Variants in TTC28 observed in about 807,000 individuals in gnomAD.
TTC28 encodes the protein tetratricopeptide repeat domain 28.
TTC28 carries 61 observed loss-of-function variants against 198.0 expected under a neutral mutation model. The observed-to-expected ratio is 0.31, with a 90% CI of 0.25 to 0.38. The LOEUF (loss-of-function observed/expected upper bound fraction) is 0.38, where lower values mean the gene tolerates loss of function less well. Ranked by LOEUF, TTC28 falls within the 10% of genes least tolerant of loss-of-function variation. TTC28 has a pLI of 1.00. For synonymous variants in TTC28, 1,171 were observed against 1,297.8 expected (o/e 0.90, Z 2.10); for missense variants, 2,678 against 3,164.0 (o/e 0.85, Z 3.69).
Position 27,982,116 on chromosome 22 carries a change from T to G in TTC28, c.*105A>C. On this transcript the variant is annotated 3_prime_UTR_variant, in exon 23 of 23. Transcript: ENST00000397906. The surrounding 1 kb of genome is among the most constrained non-coding windows in gnomAD (Gnocchi z 5.2). ...CCCTCGCCTGCAGAGCACAGCATCA[T>G]GAGGGTGCTGGTGGCTGTGGGGGGA... 7.5e-6 allele frequency: 9 copies of G among 1,194,560 alleles called. No individual in the cohort carries two copies. The highest frequency in any genetic ancestry group is 1.5e-5 in the African/African-American group (1 of 64,670). The allele number at this position is 1,194,560 out of a possible 1,614,324, so 74.0% of individuals were successfully genotyped here.
chr22:28,071,573 G>A (rs1399338972), intron 12 of TTC28, among the ~76,000 whole-genome samples: 2 of 148,230 alleles, frequency 1.3e-5, no homozygotes, highest in African/African-American at 2.5e-5. Flanking sequence ...CACACTCTGG[G>A]GACTGTGGTG....
intron 2 of TTC28, among the ~76,000 whole-genome samples, chr22:28,354,247 T>C (rs2046041753): frequency 6.6e-6 from 1 of 152,200 alleles, no homozygotes; most frequent in South Asian, 2.1e-4. Context: ...ATAGCATTAT[T>C]CACAATAGCC....
At chr22:28,336,275 A>T (rs571832537) in intron 2 of TTC28, among the ~76,000 whole-genome samples, 1 of 152,296 alleles carries the variant, frequency 6.6e-6, no homozygotes, top group African/African-American at 2.4e-5. Flanking sequence ...ATCAATGTTC[A>T]TCAGGGATAT....
rs193003435 is a variant in TTC28 at position 28,191,599 on chromosome 22, C to A, written c.934-28000G>T. 4.6e-4 allele frequency among the ~76,000 whole-genome samples: 70 copies of A among 152,350 alleles called. 1 individual carries two copies. Among genetic ancestry groups the A allele is most frequent in the African/African-American group, 1.6e-3 (65 of 41,578 alleles). On this transcript the variant is annotated intron_variant, in intron 5 of 22. Coordinates refer to ENST00000397906, the MANE Select transcript of TTC28 (RefSeq NM_001145418.2). Reference sequence around the variant, plus strand: ...TCGGGTCTCTCCCACCCTAATACTGCGCTTTTCCAACGGTCTTAGCAAATG... The same window carrying A: ...TCGGGTCTCTCCCACCCTAATACTGAGCTTTTCCAACGGTCTTAGCAAATG...
chr22:28,257,997 T>G (rs943223639), intron 5 of TTC28, among the ~76,000 whole-genome samples: 2 of 151,738 alleles, frequency 1.3e-5, no homozygotes, highest in African/African-American at 4.8e-5. Flanking sequence ...CCCTCAAAAT[T>G]TCCCCTAAAG....
At chr22:28,554,919 T>C (rs543947495) in intron 2 of TTC28, among the ~76,000 whole-genome samples, 3 of 151,918 alleles carry the variant, frequency 2.0e-5, no homozygotes, top group South Asian at 2.1e-4. Context: ...TAACAGACAA[T>C]CCACGGAGTG....
chr22:28,411,204 G>C (rs887497031), intron 2 of TTC28, among the ~76,000 whole-genome samples: 1 of 152,136 alleles, frequency 6.6e-6, no homozygotes, highest in Admixed American at 6.6e-5. Flanking sequence ...TTAAAGCAGT[G>C]CATCTTTGTA....
At chr22:28,070,800 T>C (rs1940936630) in intron 12 of TTC28, among the ~76,000 whole-genome samples, 1 of 152,306 alleles carries the variant, frequency 6.6e-6, no homozygotes, top group Middle Eastern at 3.4e-3. Flanking sequence ...TGATAATCAA[T>C]ATATGTGACA....
chr22:28,218,993 A>C (rs1449694139), intron 5 of TTC28, among the ~76,000 whole-genome samples: 2 of 152,016 alleles, frequency 1.3e-5, no homozygotes, highest in Non-Finnish European at 1.5e-5. Context: ...TCTTAGTATT[A>C]TTATGAAAAT....
chr22:28,084,970 A>G (rs906001732), intron 12 of TTC28, among the ~76,000 whole-genome samples: 1 of 152,138 alleles, frequency 6.6e-6, no homozygotes, highest in African/African-American at 2.4e-5. Flanking sequence ...AAAAAAGAAT[A>G]AAAAGAAATG....
intron 5 of TTC28, among the ~76,000 whole-genome samples, chr22:28,241,621 A>G (rs1929661111): frequency 6.6e-6 from 1 of 152,128 alleles, no homozygotes; most frequent in Non-Finnish European, 1.5e-5. Context: ...ATATATAGAG[A>G]GAGAAAATAT....
rs1175499785 is a variant in TTC28 at position 28,001,491 on chromosome 22, C to G, written c.4281G>C (p.Gly1427=). The G allele has an allele frequency of 1.9e-6, 3 of 1,551,396 alleles. No homozygotes were observed. The highest frequency in any genetic ancestry group is 1.7e-6 in the Non-Finnish European group (2 of 1,146,978). The change falls in exon 15 of 23, where the codon GGG becomes GGC. Residue 1427 remains glycine, a synonymous_variant. Coordinates refer to ENST00000397906, the MANE Select transcript of TTC28 (RefSeq NM_001145418.2). ...RHRQLILVLE[G]ELYLIPFALL... is the part of the protein sequence containing the mutation. ...GGGCGAAAGGAATGAGGTAGAGCTCCCCCTCCAGAACCAGGATGAGCTGCC... is the reference window on the plus strand; with the variant it reads ...GGGCGAAAGGAATGAGGTAGAGCTCGCCCTCCAGAACCAGGATGAGCTGCC...
intron 5 of TTC28, among the ~76,000 whole-genome samples, chr22:28,255,702 T>C (rs1456356325): frequency 2.0e-5 from 3 of 150,580 alleles, no homozygotes; most frequent in Non-Finnish European, 4.4e-5. Flanking sequence ...AAAAAGGTTC[T>C]AGTATGAGAT....
chr22:27,980,464 T>C lies in TTC28; in HGVS notation c.*1757A>G, dbSNP rs1046660341. On this transcript the variant is annotated 3_prime_UTR_variant, in exon 23 of 23. Coordinates refer to ENST00000397906, the MANE Select transcript of TTC28 (RefSeq NM_001145418.2). ...AGGATGGAGCTCAGGAGAACACAGA[T>C]TGGATAAATATTATCCTTTCTTCTT... is the stretch of plus-strand genomic sequence containing the variant. The C allele has an allele frequency of 9.9e-5, 15 of 152,268 alleles. No homozygotes were observed. Among genetic ancestry groups the C allele is most frequent in the Non-Finnish European group, 1.6e-4 (11 of 68,040 alleles). 9.4% of individuals were successfully genotyped at this position (152,268 alleles called of 1,614,324 possible).
rs923814448 is a variant in TTC28, at chr22:28,105,919, T to C, written c.2784-117A>G. Reference sequence around the variant, plus strand: ...GTCACTTACTATAGAAGCTCTTAACTCCTCTTCTAGCTAAAATCTATCATG... The same window carrying C: ...GTCACTTACTATAGAAGCTCTTAACCCCTCTTCTAGCTAAAATCTATCATG... On this transcript the variant is annotated intron_variant, in intron 7 of 22. Transcript: ENST00000397906. 9.0e-6 allele frequency: 11 copies of C among 1,226,576 alleles called. No individual in the cohort carries two copies. In the East Asian group the frequency reaches 2.8e-4, roughly 31 times the overall value. 76.0% of individuals were successfully genotyped at this position (1,226,576 alleles called of 1,614,324 possible).
chr22:28,338,298 G>A (rs968998880), intron 2 of TTC28, among the ~76,000 whole-genome samples: 3 of 152,116 alleles, frequency 2.0e-5, no homozygotes, highest in Non-Finnish European at 4.4e-5. Flanking sequence ...CAACTTTGGT[G>A]AATCTGACAA....
At chr22:28,394,337 A>G (rs893803811) in intron 2 of TTC28, among the ~76,000 whole-genome samples, 6 of 152,394 alleles carry the variant, frequency 3.9e-5, no homozygotes, top group African/African-American at 1.4e-4. Context: ...TGCCTTGAAT[A>G]TAACACTTAA....
chr22:28,543,255 T>C (rs1297028118), intron 2 of TTC28, among the ~76,000 whole-genome samples: 1 of 152,068 alleles, frequency 6.6e-6, no homozygotes, highest in Non-Finnish European at 1.5e-5. Context: ...GCAGGATCAA[T>C]TGAGCACAGG....
intron 4 of TTC28, 44 bp from the exon 5 acceptor site, chr22:28,296,372 T>C (rs2044896366): frequency 3.4e-6 from 5 of 1,454,872 alleles, no homozygotes; most frequent in Non-Finnish European, 3.6e-6. Flanking sequence ...TTTCTCTAAG[T>C]TATAATGTTA....
Sources: gnomAD v4.1 joint callset for allele counts (sites outside exome capture counted in the v4.1 genomes callset) on GRCh38, gnomAD v4.1.1 for gene constraint, Gnocchi (gnomAD v3.1) non-coding constraint, MANE v1.5 for transcripts, NCBI Gene and HGNC (gene_info 2026-07-23, HGNC 2026-07-21) for gene names.